ENG: variants seen among roughly 807,000 people sequenced by gnomAD.
The protein encoded by ENG is CD105 antigen.
A neutral mutation model predicts 71.0 loss-of-function variants in ENG; 17 were observed. That is an observed-to-expected ratio of 0.24 (90% CI 0.16 to 0.36). The LOEUF is 0.36. Among genes scored for constraint, ENG ranks in the 10% least tolerant of loss-of-function variants. The pLI is 1.00. For synonymous variants in ENG, 360 were observed against 366.9 expected, an observed-to-expected ratio of 0.98 and a Z score of 0.21; for missense variants, 749 against 868.3, an observed-to-expected ratio of 0.86 and a Z score of 1.73.
intron 2 of ENG, among the ~76,000 whole-genome samples, chr9:127,833,699 G>A (rs1295558543): frequency 6.6e-6 from 1 of 152,122 alleles, no homozygotes; most frequent in Non-Finnish European, 1.5e-5. Context: ...AAAAGGGGAA[G>A]GCTATTTCAA....
intron 2 of ENG, among the ~76,000 whole-genome samples, chr9:127,839,375 C>A (rs951977247): frequency 6.6e-6 from 1 of 152,082 alleles, no homozygotes; most frequent in Non-Finnish European, 1.5e-5. Flanking sequence ...GAAGGTGCCT[C>A]CCAGGGAAAC....
intron 2 of ENG, among the ~76,000 whole-genome samples, chr9:127,831,480 C>T (rs1454015977): frequency 6.6e-6 from 1 of 151,540 alleles, no homozygotes; most frequent in Non-Finnish European, 1.5e-5. Flanking sequence ...CTTCGCGTAC[C>T]AGGTTCAATT....
In ENG at chr9:127,826,676, G is replaced by T. The variant is rs2131890768; in HGVS notation, c.361-4C>A. On this transcript the variant is annotated splice_polypyrimidine_tract_variant and splice_region_variant and intron_variant, in intron 3 of 14. Coordinates refer to ENST00000373203, the MANE Select transcript of ENG (RefSeq NM_001114753.3). ...GGAAGGTGACCAGGCTGGAATTCTG[G>T]GGAGACATGTGGAGGCTCAGCACGC... 6.2e-7 allele frequency: 1 copy of T among 1,613,422 alleles called. No homozygotes were observed. Among genetic ancestry groups the T allele is most frequent in the Admixed American group, 1.7e-5 (1 of 60,020 alleles).
At chr9:127,818,585 C>G in intron 11 of ENG, 131 bp downstream of exon 11, 1 of 1,372,062 alleles carries the variant, frequency 7.3e-7, no homozygotes, top group Non-Finnish European at 1.0e-6. Context: ...GTCTCTCCCT[C>G]TCCCGTGCAC....
At position 127,843,153 on chromosome 9, in the gene ENG, C is replaced by T. The variant is rs923794879; in HGVS notation, c.160G>A (p.Val54Met). The part of the protein sequence containing the change: ...YTTSQVSKGC[V>M]AQAPNAILEV... ...AGGATGGCATTGGGGGCCTGAGCCA[C>T]GCAGCCCTTCGAGACCTGGCTAGTG... Residue 54 changes from valine (V) to methionine (M), a missense_variant, in exon 2 of 15, where the codon GTG becomes ATG. Val to Met is a conservative substitution (Grantham distance 21). Transcript: ENST00000373203. The T allele has an allele frequency of 1.5e-5, 24 of 1,614,132 alleles. No individual in the cohort carries two copies. The highest frequency in any genetic ancestry group is 2.2e-5 in the East Asian group (1 of 44,906).
Position 127,824,212 on chromosome 9 carries a change from C to T in ENG, c.1134+92G>A, listed in dbSNP as rs1194091413. ...GCTTGCAGAGGGACGTGACTTGCCC[C>T]CCTGCCTGGGCTAGGACCCCAAGAG... On this transcript the variant is annotated intron_variant, in intron 8 of 14. Transcript: ENST00000373203. The T allele has an allele frequency of 2.9e-5, 46 of 1,595,348 alleles. No homozygotes were observed. The highest frequency in any genetic ancestry group is 3.3e-5 in the Non-Finnish European group (38 of 1,164,820).
chr9:127,815,817 G>A lies in ENG; in HGVS notation c.1853-11C>T. The A allele has an allele frequency of 6.5e-7, 1 of 1,547,274 alleles. No homozygotes were observed. Among genetic ancestry groups the A allele is most frequent in the Non-Finnish European group, 8.7e-7 (1 of 1,146,510 alleles). ...GCTTGCTGGGGGAACCTGGGAGCGG[G>A]AGCGGGGGCAGGGGCGGAGGTCAGG... is the stretch of plus-strand genomic sequence containing the variant. On this transcript the variant is annotated splice_polypyrimidine_tract_variant and intron_variant, in intron 14 of 14. Coordinates refer to ENST00000373203, the MANE Select transcript of ENG (RefSeq NM_001114753.3).
At chr9:127,828,446 G>C (rs1336496092) in intron 3 of ENG, among the ~76,000 whole-genome samples, 1 of 152,182 alleles carries the variant, frequency 6.6e-6, no homozygotes, top group African/African-American at 2.4e-5. Flanking sequence ...GAGCCCGCTC[G>C]GGAAGCAGCG....
intron 1 of ENG, among the ~76,000 whole-genome samples, chr9:127,849,668 A>G (rs774266810): frequency 2.6e-5 from 4 of 152,174 alleles, no homozygotes; most frequent in African/African-American, 9.7e-5. Flanking sequence ...TGTACCCCGG[A>G]TGGGAGGGCC....
intron 1 of ENG, among the ~76,000 whole-genome samples, chr9:127,849,160 G>A (rs994272560): frequency 1.3e-5 from 2 of 152,166 alleles, no homozygotes; most frequent in Middle Eastern, 6.3e-3. Context: ...ATAGCTAACT[G>A]GAATTAGCTT....
intron 9 of ENG, 107 bp from the exon 10 acceptor site, chr9:127,819,767 C>CCAAG (rs1336771222): frequency 6.3e-7 from 1 of 1,597,834 alleles, no homozygotes; most frequent in East Asian, 2.2e-5. Context: ...CAACCAATGG[C>CCAAG]CAAGCTTGTC....
chr9:127,822,013 G>A (rs763797457), intron 8 of ENG, among the ~76,000 whole-genome samples: 1 of 151,332 alleles, frequency 6.6e-6, no homozygotes, highest in African/African-American at 2.4e-5. Flanking sequence ...TTGTACCACT[G>A]AACTCCAGCC....
At chr9:127,844,436 T>C (rs1372005558) in intron 1 of ENG, among the ~76,000 whole-genome samples, 1 of 151,994 alleles carries the variant, frequency 6.6e-6, no homozygotes, top group Non-Finnish European at 1.5e-5. Flanking sequence ...CTATTTTTTA[T>C]TTTTTTGAGA....
intron 13 of ENG, 196 bp downstream of exon 13, chr9:127,816,953 T>G: frequency 1.5e-6 from 1 of 663,810 alleles, no homozygotes; most frequent in East Asian, 2.7e-5. Flanking sequence ...GCTCTCCATC[T>G]GCAAAGTGCA....
chr9:127,819,874 G>A (rs1290242224), intron 9 of ENG, 26 bp downstream of exon 9: 1 of 1,614,162 alleles, frequency 6.2e-7, no homozygotes, highest in Non-Finnish European at 8.5e-7. Flanking sequence ...GGCTGGTCCT[G>A]ATACCTTTTT....
chr9:127,848,298 T>A (rs543303572), intron 1 of ENG, among the ~76,000 whole-genome samples: 1 of 152,082 alleles, frequency 6.6e-6, no homozygotes, highest in South Asian at 2.1e-4. Context: ...CTTTTTTTTT[T>A]AATTTTGGAG....
intron 2 of ENG, among the ~76,000 whole-genome samples, chr9:127,842,674 C>T (rs1163026973): frequency 4.6e-5 from 7 of 152,184 alleles, no homozygotes; most frequent in South Asian, 4.1e-4. Flanking sequence ...CTACCCGCCT[C>T]GGCCTCCTAA....
intron 2 of ENG, among the ~76,000 whole-genome samples, chr9:127,842,584 C>T (rs886316711): frequency 1.3e-5 from 2 of 151,998 alleles, no homozygotes; most frequent in Admixed American, 6.6e-5. Flanking sequence ...ACCACCACGC[C>T]CAACTAATTT....
At chr9:127,822,595 A>G (rs1436810818) in intron 8 of ENG, 2 of 152,270 alleles carry the variant, frequency 1.3e-5, no homozygotes, top group African/African-American at 4.8e-5. Context: ...GGAGTTAATT[A>G]TAGCATGTCA....
Sources: gnomAD v4.1 joint callset for allele counts (sites outside exome capture counted in the v4.1 genomes callset) on GRCh38, gnomAD v4.1.1 for gene constraint, MANE v1.5 for transcripts, NCBI Gene and HGNC (gene_info 2026-07-23, HGNC 2026-07-21) for gene names.